The following TCERG1L variants were observed in gnomAD, a reference collection of about 807,000 sequenced individuals.
TCERG1L encodes the protein transcription elongation regulator 1-like protein.
Under a neutral mutation model 56.3 loss-of-function variants are expected in TCERG1L, and 37 were observed. The ratio of observed to expected loss-of-function variants is 0.66; its 90% confidence interval spans 0.51 to 0.87. TCERG1L has a LOEUF of 0.87. Among genes scored for constraint, TCERG1L ranks in the 40% least tolerant of loss-of-function variants. The pLI is 0.00. For synonymous variants in TCERG1L, 324 were observed against 326.3 expected (o/e 0.99, Z 0.08); for missense variants, 799 against 774.2 (o/e 1.03, Z -0.38).
At chr10:131,183,130 G>T (rs1164172748) in intron 4 of TCERG1L, among the ~76,000 whole-genome samples, 1 of 152,082 alleles carries the variant, frequency 6.6e-6, no homozygotes, top group Non-Finnish European at 1.5e-5. Context: ...TTATGACAAG[G>T]GCAGGTACAT....
chr10:131,281,789 C>T (rs536596077), intron 3 of TCERG1L, among the ~76,000 whole-genome samples: 7 of 141,014 alleles, frequency 5.0e-5, no homozygotes, highest in Non-Finnish European at 1.1e-4. Context: ...AAGCCTGATC[C>T]GCCCCCTGCT....
intron 4 of TCERG1L, among the ~76,000 whole-genome samples, chr10:131,203,896 G>C (rs1845484313): frequency 6.6e-6 from 1 of 152,212 alleles, no homozygotes; most frequent in Admixed American, 6.5e-5. Flanking sequence ...TGGGAGGGGA[G>C]AGGCGTGATG....
chr10:131,296,968 C>T (rs998427365), intron 3 of TCERG1L, among the ~76,000 whole-genome samples: 6 of 152,168 alleles, frequency 3.9e-5, no homozygotes, highest in Non-Finnish European at 7.3e-5. Flanking sequence ...CTTCCTTATT[C>T]GTATTAGTAG....
intron 4 of TCERG1L, among the ~76,000 whole-genome samples, chr10:131,255,547 C>A (rs377535592): frequency 6.6e-6 from 1 of 152,168 alleles, no homozygotes; most frequent in African/African-American, 2.4e-5. Context: ...CGGAGGGAGG[C>A]ACTGGGTGTC....
At chr10:131,289,293 GA>G (rs1259870772) in intron 3 of TCERG1L, among the ~76,000 whole-genome samples, 1 of 150,962 alleles carries the variant, frequency 6.6e-6, no homozygotes, top group Non-Finnish European at 1.5e-5. Flanking sequence ...ACAGCATAAA[GA>G]AAAAAAGATG....
rs1358141071 is a variant in TCERG1L, at chr10:131,093,207, C to T, written c.1716G>A (p.Lys572=). The change falls in exon 12 of 12, where the codon AAG becomes AAA. Residue 572 remains lysine, a synonymous_variant. Transcript: ENST00000368642. ...TTAGTCTGTTTTCCTTGTCCCGTTT[C>T]TTAAGAATAAGTATGAATTGGTTGA... ...HFFNQFILIL[K]KRDKENRLRL... 1 of 1,613,920 alleles carries T rather than the reference C, an allele frequency of 6.2e-7. No homozygotes were observed.
chr10:131,289,773 GGTGTGA>G (rs1564834855), intron 3 of TCERG1L, among the ~76,000 whole-genome samples: 1 of 27,872 alleles, frequency 3.6e-5, no homozygotes, highest in African/African-American at 9.6e-5. Flanking sequence ...ATCTCCTATC[GGTGTGA>G]GTGTATGTGT....
At chr10:131,226,699 C>T (rs999787289) in intron 4 of TCERG1L, among the ~76,000 whole-genome samples, 1 of 152,230 alleles carries the variant, frequency 6.6e-6, no homozygotes, top group African/African-American at 2.4e-5. Flanking sequence ...AAATTAGCCA[C>T]ATAGTAAATA....
At position 131,192,838 on chromosome 10, in the gene TCERG1L, T is replaced by C. The variant is rs1440147176; in HGVS notation, c.857-25953A>G. On this transcript the variant is annotated intron_variant, in intron 4 of 11. Transcript: ENST00000368642. The stretch of plus-strand genomic sequence containing the variant: ...TGCGAAAGCATACAGAGTGGCAAAA[T>C]AGACACTGGAGACTAAGAAACAGGG... 3.0e-5 allele frequency among the ~76,000 whole-genome samples: 4 copies of C among 133,784 alleles called. 1 individual carries two copies. Among genetic ancestry groups the C allele is most frequent in the Non-Finnish European group, 6.6e-5 (4 of 60,942 alleles). The allele number at this position is 133,784 out of a possible 152,430, so 87.8% of individuals were successfully genotyped here.
At chr10:131,175,184 G>A (rs948475891) in intron 4 of TCERG1L, among the ~76,000 whole-genome samples, 3 of 147,686 alleles carry the variant, frequency 2.0e-5, no homozygotes, top group Admixed American at 1.4e-4. Flanking sequence ...TCTGACAGAG[G>A]CCAGCTCCAG....
At chr10:131,158,204 G>A (rs904943936) in intron 6 of TCERG1L, among the ~76,000 whole-genome samples, 1 of 152,198 alleles carries the variant, frequency 6.6e-6, no homozygotes, top group Non-Finnish European at 1.5e-5. Context: ...CAGGGAATGG[G>A]AGAAACATCA....
chr10:131,124,650 T>C (rs1305100175), intron 8 of TCERG1L, among the ~76,000 whole-genome samples: 1 of 136,084 alleles, frequency 7.3e-6, no homozygotes, highest in Non-Finnish European at 1.7e-5. Flanking sequence ...CTGGCTTGGC[T>C]CATCATCGCT....
rs545989998 is a variant in TCERG1L at position 131,285,901 on chromosome 10, C to T, written c.670+22310G>A. Among the ~76,000 whole-genome samples the T allele has an allele frequency of 5.3e-5, 8 of 152,194 alleles. No homozygotes were observed. In the South Asian group the frequency reaches 1.2e-3, roughly 24 times the overall value. ...GGAAGGAATGTTCTAAGCCCAGTGG[C>T]GGGTGGTTAAAACCTATAAGCATAT... On this transcript the variant is annotated intron_variant, in intron 3 of 11. Coordinates refer to ENST00000368642, the MANE Select transcript of TCERG1L (RefSeq NM_174937.4).
chr10:131,202,744 T>G (rs1845455732), intron 4 of TCERG1L, among the ~76,000 whole-genome samples: 1 of 152,204 alleles, frequency 6.6e-6, no homozygotes, highest in Admixed American at 6.5e-5. Context: ...CTGGAAATAT[T>G]CTGATTATCT....
chr10:131,200,183 T>C (rs1845416269), intron 4 of TCERG1L, among the ~76,000 whole-genome samples: 1 of 152,242 alleles, frequency 6.6e-6, no homozygotes, highest in Admixed American at 6.5e-5. Flanking sequence ...TGCATTCACA[T>C]GTTGGGTATA....
intron 4 of TCERG1L, among the ~76,000 whole-genome samples, chr10:131,236,031 T>C (rs1255191653): frequency 6.6e-6 from 1 of 152,230 alleles, no homozygotes; most frequent in Non-Finnish European, 1.5e-5. Flanking sequence ...TTACATTACA[T>C]TTAGGCTCAC....
At chr10:131,145,850 T>G (rs11017754) in intron 7 of TCERG1L, among the ~76,000 whole-genome samples, 1 of 152,222 alleles carries the variant, frequency 6.6e-6, no homozygotes, top group African/African-American at 2.4e-5. Flanking sequence ...CCACATGCTC[T>G]GGGAGGAGGG....
At chr10:131,288,158 C>T (rs1486399201) in intron 3 of TCERG1L, among the ~76,000 whole-genome samples, 1 of 152,190 alleles carries the variant, frequency 6.6e-6, no homozygotes, top group Admixed American at 6.5e-5. Flanking sequence ...TCTCTGAAGG[C>T]TTGTCTGTGA....
At position 131,309,312 on chromosome 10, in the gene TCERG1L, C is replaced by T. The variant is rs1383037380; in HGVS notation, c.343-13G>A. ...CACCAAACAGCCACTGCAAGCCAAG[C>T]AAGAAAAGACAGCTGCATTAGCCTG... On this transcript the variant is annotated splice_polypyrimidine_tract_variant and intron_variant, in intron 1 of 11. Transcript: ENST00000368642. 1 of 1,592,878 alleles carries T rather than the reference C, an allele frequency of 6.3e-7. No individual in the cohort carries two copies. Among genetic ancestry groups the T allele is most frequent in the African/African-American group, 1.4e-5 (1 of 73,292 alleles).
Sources: gnomAD v4.1 joint callset for allele counts (sites outside exome capture counted in the v4.1 genomes callset) on GRCh38, gnomAD v4.1.1 for gene constraint, MANE v1.5 for transcripts, NCBI Gene and HGNC (gene_info 2026-07-23, HGNC 2026-07-21) for gene names.